Variants in SYNPR observed in about 807,000 individuals in gnomAD.
SYNPR encodes synaptoporin.
SYNPR carries 23 observed loss-of-function variants against 32.9 expected under a neutral mutation model. The ratio of observed to expected loss-of-function variants is 0.70; its 90% CI spans 0.50 to 0.99. The LOEUF is 0.99. Among genes scored for constraint, SYNPR ranks in the 50% least tolerant of loss-of-function variants. The pLI is 0.00. For missense variants in SYNPR, 318 were observed against 349.3 expected (o/e 0.91, Z 0.71); for synonymous variants, 146 against 135.9 (o/e 1.07, Z -0.52).
At chr3:63,349,482 A>G (rs550371917) in intron 2 of SYNPR, among the ~76,000 whole-genome samples, 54 of 152,276 alleles carry the variant, frequency 3.5e-4, no homozygotes, top group African/African-American at 1.2e-3. Flanking sequence ...CATCATTTTA[A>G]AATTATTTCT....
At chr3:63,232,483 G>T (rs148136881) in intron 1 of SYNPR, among the ~76,000 whole-genome samples, 1 of 152,104 alleles carries the variant, frequency 6.6e-6, no homozygotes. Context: ...GATTACTGGC[G>T]TGAGCCACAC....
At chr3:63,540,642 G>C (rs902508531) in intron 3 of SYNPR, among the ~76,000 whole-genome samples, 9 of 151,974 alleles carry the variant, frequency 5.9e-5, no homozygotes, top group African/African-American at 2.2e-4. Flanking sequence ...GACATACACA[G>C]AGTTGGCCCT....
chr3:63,271,665 A>T (rs1283993709), intron 3 of SYNPR, among the ~76,000 whole-genome samples: 1 of 152,150 alleles, frequency 6.6e-6, no homozygotes, highest in African/African-American at 2.4e-5. Context: ...GAGATTGTAC[A>T]TATTGCAAAG....
intron 2 of SYNPR, among the ~76,000 whole-genome samples, chr3:63,284,002 G>T (rs535958432): frequency 1.3e-5 from 2 of 151,912 alleles, no homozygotes; most frequent in South Asian, 2.1e-4. Flanking sequence ...TAGAGACAGG[G>T]TTTCACCGTG....
intron 2 of SYNPR, among the ~76,000 whole-genome samples, chr3:63,366,406 G>A (rs1411630182): frequency 1.3e-5 from 2 of 152,094 alleles, no homozygotes; most frequent in Non-Finnish European, 1.5e-5. Flanking sequence ...TAAGGAAAAA[G>A]GCCAAGTGTA....
intron 2 of SYNPR, among the ~76,000 whole-genome samples, chr3:63,321,390 T>C (rs1009180636): frequency 1.3e-5 from 2 of 152,050 alleles, no homozygotes; most frequent in Non-Finnish European, 2.9e-5. Flanking sequence ...CTGTTGAGAA[T>C]TGTGAGGGTC....
intron 4 of SYNPR, among the ~76,000 whole-genome samples, chr3:63,608,692 G>A (rs1317335127): frequency 6.6e-6 from 1 of 152,164 alleles, no homozygotes; most frequent in Admixed American, 6.5e-5. Flanking sequence ...CAGCTTGGTG[G>A]TTAAGAACTT....
At chr3:63,374,526 C>T (rs74407222) in intron 2 of SYNPR, among the ~76,000 whole-genome samples, 1 of 152,042 alleles carries the variant, frequency 6.6e-6, no homozygotes, top group Non-Finnish European at 1.5e-5. Context: ...GTACACCAAG[C>T]CCCTGTGACA....
intron 2 of SYNPR, among the ~76,000 whole-genome samples, chr3:63,392,871 G>C (rs2088157665): frequency 6.6e-6 from 1 of 152,088 alleles, no homozygotes; most frequent in South Asian, 2.1e-4. Context: ...TAAATCTCTA[G>C]TTTTCTCAAT....
At chr3:63,403,555 T>G (rs2088321452) in intron 2 of SYNPR, among the ~76,000 whole-genome samples, 1 of 152,110 alleles carries the variant, frequency 6.6e-6, no homozygotes, top group African/African-American at 2.4e-5. Context: ...CCATCCTCAT[T>G]TAACAGATGA....
chr3:63,469,141 T>C (rs1270994039), intron 2 of SYNPR, among the ~76,000 whole-genome samples: 8 of 152,166 alleles, frequency 5.3e-5, no homozygotes, highest in Non-Finnish European at 1.0e-4. Flanking sequence ...GATGGGAATT[T>C]ATTTCCTATT....
chr3:63,389,194 G>C (rs1296630378), intron 2 of SYNPR, among the ~76,000 whole-genome samples: 2 of 152,082 alleles, frequency 1.3e-5, no homozygotes, highest in African/African-American at 4.8e-5. Context: ...ATGTACCCCA[G>C]AACTTAAAAG....
chr3:63,548,439 G>T (rs577670222), intron 3 of SYNPR, among the ~76,000 whole-genome samples: 1 of 152,264 alleles, frequency 6.6e-6, no homozygotes, highest in East Asian at 1.9e-4. Flanking sequence ...TCAGGATTTT[G>T]TAGTGGTTTA....
intron 2 of SYNPR, among the ~76,000 whole-genome samples, chr3:63,302,040 A>G (rs1163089618): frequency 1.3e-5 from 2 of 152,118 alleles, no homozygotes; most frequent in Admixed American, 1.3e-4. Flanking sequence ...GGACGTATGA[A>G]TAAATGAATG....
chr3:63,565,468 G>T (rs1702765271), intron 4 of SYNPR, among the ~76,000 whole-genome samples: 1 of 152,156 alleles, frequency 6.6e-6, no homozygotes, highest in Non-Finnish European at 1.5e-5. Flanking sequence ...GTCCTCACGT[G>T]GTAGAAGGCA....
intron 4 of SYNPR, among the ~76,000 whole-genome samples, chr3:63,591,139 G>A (rs1703293667): frequency 6.7e-6 from 1 of 150,288 alleles, no homozygotes; most frequent in Non-Finnish European, 1.5e-5. Flanking sequence ...ATCAAAAAGT[G>A]GGCGAAGGAC....
rs937935685 is a variant in SYNPR at position 63,335,781 on chromosome 3, T to C, written c.84+57039T>C. 3.4e-5 allele frequency among the ~76,000 whole-genome samples: 5 copies of C among 146,220 alleles called. No individual in the cohort carries two copies. In the South Asian group the frequency reaches 6.4e-4, roughly 19 times the overall value. On this transcript the variant is annotated intron_variant, in intron 2 of 5. Transcript: ENST00000478300. ...TATTAGCTTCCTTTTTTTTTTTTTT[T>C]TTTTTTTTTGAGACAGAGTTTTGCT...
chr3:63,359,629 C>T (rs928855518), intron 2 of SYNPR, among the ~76,000 whole-genome samples: 3 of 152,152 alleles, frequency 2.0e-5, no homozygotes, highest in African/African-American at 4.8e-5. Flanking sequence ...TGGCCCCAGA[C>T]TTTTGGAGCT....
At chr3:63,206,520 C>T in the SYNPR span, among the ~76,000 whole-genome samples, 1 of 151,822 alleles carries the variant, frequency 6.6e-6, no homozygotes, top group Non-Finnish European at 1.5e-5. Context: ...GAGATCACAC[C>T]ACTGCACTCC....
Sources: allele counts gnomAD v4.1 joint callset (sites outside exome capture counted in the v4.1 genomes callset), GRCh38; gene constraint gnomAD v4.1.1; transcripts MANE v1.5; gene names NCBI Gene and HGNC (gene_info 2026-07-23, HGNC 2026-07-21).